The following RIMKLA variants were observed in gnomAD, a reference collection of about 807,000 sequenced individuals.
The protein encoded by RIMKLA is ribosomal modification protein rimK like family member A.
In RIMKLA, 14 loss-of-function variants were observed where a neutral mutation model predicts 32.7. The observed-to-expected ratio is 0.43, with a 90% confidence interval of 0.28 to 0.67. The LOEUF (loss-of-function observed/expected upper bound fraction) is 0.67. Ranked by LOEUF, RIMKLA falls within the 30% of genes least tolerant of loss-of-function variation. RIMKLA has a pLI of 0.18. For missense variants in RIMKLA, 410 were observed against 519.0 expected, an observed-to-expected ratio of 0.79 and a Z score of 2.04; for synonymous variants, 176 against 204.1, an observed-to-expected ratio of 0.86 and a Z score of 1.18.
rs1260538309 is a variant in RIMKLA, at chr1:42,415,149, CAA to C, written c.*177_*178del. 1.1e-5 allele frequency: 7 copies of C among 643,776 alleles called. No homozygotes were observed. In the Admixed American group the frequency reaches 2.3e-4, roughly 21 times the overall value. 39.9% of individuals were successfully genotyped at this position (643,776 alleles called of 1,614,324 possible). A position where few individuals can be genotyped will look rare whatever the true frequency, so the allele number is the denominator to read the frequency against. ...AAATGGCCTAGCTTTGTGGTTTTTA[CAA>C]AGACAAATATAAAAACACTCAAGAA... On this transcript the variant is annotated 3_prime_UTR_variant, in exon 5 of 5. Transcript: ENST00000431473.
intron 4 of RIMKLA, chr1:42,412,759 C>G (rs1481072429): frequency 2.9e-6 from 1 of 339,290 alleles, no homozygotes; most frequent in Non-Finnish European, 5.7e-6. Flanking sequence ...TGGTGATGCT[C>G]TTGAGAGCAT....
Position 42,414,611 on chromosome 1 carries a change from G to A in RIMKLA, c.813G>A (p.Val271=). ...TCATGGACGATGGCTCCTTTGTGGTGTGTGAGGCAAATGCTAATGTTGGCT... is the reference window on the plus strand; with the variant it reads ...TCATGGACGATGGCTCCTTTGTGGTATGTGAGGCAAATGCTAATGTTGGCT... ...LLIMDDGSFV[V]CEANANVGFL... The change falls in exon 5 of 5, where the codon GTG becomes GTA. Residue 271 remains valine, a synonymous_variant. Coordinates refer to ENST00000431473, the MANE Select transcript of RIMKLA (RefSeq NM_173642.4). 2 of 1,614,260 alleles carry A rather than the reference G, an allele frequency of 1.2e-6. No individual in the cohort carries two copies. The highest frequency in any genetic ancestry group is 4.5e-5 in the East Asian group (2 of 44,890).
intron 4 of RIMKLA, chr1:42,412,387 C>A (rs759943320): frequency 2.9e-5 from 7 of 243,130 alleles, no homozygotes; most frequent in Non-Finnish European, 5.7e-5. Context: ...ATATTAATAT[C>A]TATTACATCC....
intron 1 of RIMKLA, among the ~76,000 whole-genome samples, chr1:42,392,556 G>T (rs1477524758): frequency 6.6e-6 from 1 of 152,158 alleles, no homozygotes; most frequent in Admixed American, 6.5e-5. Context: ...CCTGTTAGAG[G>T]GCTTTGTCTG....
chr1:42,404,566 A>C lies in RIMKLA; in HGVS notation c.450A>C (p.Pro150=). Residue 150 remains proline, a synonymous_variant, in exon 3 of 5, where the codon CCA becomes CCC. Coordinates refer to ENST00000431473, the MANE Select transcript of RIMKLA (RefSeq NM_173642.4). ...MIDEAEPLGY[P]VVVKSTRGHR... is the part of the protein sequence containing the mutation. ...ATGAAGCTGAGCCCCTGGGCTACCC[A>C]GTCGTGGTGAAGAGCACACGAGGCC... 2 of 1,613,564 alleles carry C rather than the reference A, an allele frequency of 1.2e-6. No homozygotes were observed. Among genetic ancestry groups the C allele is most frequent in the Non-Finnish European group, 1.7e-6 (2 of 1,179,822 alleles).
rs1256006860 is a variant in RIMKLA at position 42,418,079 on chromosome 1, T to C, written c.*3105T>C. 6 of 152,212 alleles carry C rather than the reference T, an allele frequency of 3.9e-5. No individual in the cohort carries two copies. Among genetic ancestry groups the C allele is most frequent in the Admixed American group, 3.9e-4 (6 of 15,284 alleles). The allele number at this position is 152,212 out of a possible 1,614,324, so 9.4% of individuals were successfully genotyped here. ...CCTGAAAGGAATAAGGCTCTTTGTG[T>C]ATTCAGACAGCCTTCTGGATGTATC... On this transcript the variant is annotated 3_prime_UTR_variant, in exon 5 of 5. Coordinates refer to ENST00000431473, the MANE Select transcript of RIMKLA (RefSeq NM_173642.4).
chr1:42,414,622 ATGCTAATGTTGGCT>A lies in RIMKLA; in HGVS notation c.826_839del (p.Ala276ProfsTer4). 1 of 1,614,230 alleles carries A rather than the reference ATGCTAATGTTGGCT, an allele frequency of 6.2e-7. No homozygotes were observed. Among genetic ancestry groups the A allele is most frequent in the Non-Finnish European group, 8.5e-7 (1 of 1,180,038 alleles). On this transcript the variant is annotated frameshift_variant, in exon 5 of 5. Coordinates refer to ENST00000431473, the MANE Select transcript of RIMKLA (RefSeq NM_173642.4). LOFTEE classifies it high-confidence loss of function. Reference sequence around the variant, plus strand: ...GGCTCCTTTGTGGTGTGTGAGGCAAATGCTAATGTTGGCTTCCTAGCCTTTGACCAGGCATGCAA... The same window carrying A: ...GGCTCCTTTGTGGTGTGTGAGGCAAATCCTAGCCTTTGACCAGGCATGCAA...
rs771879799 is a variant in RIMKLA at position 42,420,880 on chromosome 1, G to A, written c.*5906G>A. 2 of 152,240 alleles carry A rather than the reference G, an allele frequency of 1.3e-5. No homozygotes were observed. The highest frequency in any genetic ancestry group is 2.4e-5 in the African/African-American group (1 of 41,450). The allele number at this position is 152,240 out of a possible 1,614,324, so 9.4% of individuals were successfully genotyped here. A position where few individuals can be genotyped will look rare whatever the true frequency, so the allele number is the denominator to read the frequency against. On this transcript the variant is annotated 3_prime_UTR_variant, in exon 5 of 5. Coordinates refer to ENST00000431473, the MANE Select transcript of RIMKLA (RefSeq NM_173642.4). Reference sequence around the variant, plus strand: ...AACCTTAATTTTGTCACCTATAAATGTGATACATAAACAAACTTGAATGTG... The same window carrying A: ...AACCTTAATTTTGTCACCTATAAATATGATACATAAACAAACTTGAATGTG...
intron 1 of RIMKLA, among the ~76,000 whole-genome samples, chr1:42,382,308 A>T (rs1642896472): frequency 2.6e-5 from 4 of 152,214 alleles, no homozygotes; most frequent in Admixed American, 2.6e-4. Context: ...TGATTTATTA[A>T]AACTGTCACA....
chr1:42,390,205 T>C (rs1642988897), intron 1 of RIMKLA, among the ~76,000 whole-genome samples: 1 of 152,098 alleles, frequency 6.6e-6, no homozygotes, highest in Non-Finnish European at 1.5e-5. Context: ...ACTCAGCTAT[T>C]TTCTGTATTT....
chr1:42,398,698 A>G (rs57434590), intron 1 of RIMKLA, among the ~76,000 whole-genome samples: 27,659 of 152,060 alleles, frequency 0.18, 2,625 homozygotes, highest in East Asian at 0.22. Flanking sequence ...GCTCAGCGCA[A>G]TGGCTCACGC....
At position 42,419,976 on chromosome 1, in the gene RIMKLA, T is replaced by A. The variant is rs1452358206; in HGVS notation, c.*5002T>A. The A allele has an allele frequency of 1.3e-5, 2 of 152,226 alleles. No individual in the cohort carries two copies. Among genetic ancestry groups the A allele is most frequent in the African/African-American group, 4.8e-5 (2 of 41,442 alleles). 9.4% of individuals were successfully genotyped at this position (152,226 alleles called of 1,614,324 possible). ...AAGAAATCCTGTTCGATGCACATGCTCCAGTTTCAATCAGCAACAAGGTCA... is the reference window on the plus strand; with the variant it reads ...AAGAAATCCTGTTCGATGCACATGCACCAGTTTCAATCAGCAACAAGGTCA... On this transcript the variant is annotated 3_prime_UTR_variant, in exon 5 of 5. Coordinates refer to ENST00000431473, the MANE Select transcript of RIMKLA (RefSeq NM_173642.4).
At chr1:42,405,591 T>C (rs1008517095) in intron 3 of RIMKLA, among the ~76,000 whole-genome samples, 5 of 152,030 alleles carry the variant, frequency 3.3e-5, no homozygotes, top group African/African-American at 1.2e-4. Context: ...GTAGGGACTA[T>C]GCAATAGAAA....
intron 4 of RIMKLA, among the ~76,000 whole-genome samples, chr1:42,413,475 G>A (rs905976352): frequency 7.1e-6 from 1 of 140,342 alleles, no homozygotes; most frequent in Non-Finnish European, 1.5e-5. Flanking sequence ...CTGCACTTCA[G>A]CCTAGGTGAC....
Position 42,414,739 on chromosome 1 carries a change from T to C in RIMKLA, c.941T>C (p.Leu314Pro). Residue 314 changes from leucine to proline, a missense_variant, in exon 5 of 5, where the codon CTC becomes CCC. Leu to Pro is a moderately conservative substitution (Grantham distance 98, BLOSUM62 -3). Coordinates refer to ENST00000431473, the MANE Select transcript of RIMKLA (RefSeq NM_173642.4). ...PNRQTGKMAVLPGLSSPREKN... is the reference protein window; with the variant it reads ...PNRQTGKMAVPPGLSSPREKN... ...AGGCAGACTGGAAAGATGGCTGTCC[T>C]CCCAGGACTGTCGAGTCCAAGGGAG... is the stretch of plus-strand genomic sequence containing the variant. 2 of 1,614,176 alleles carry C rather than the reference T, an allele frequency of 1.2e-6. No homozygotes were observed. Among genetic ancestry groups the C allele is most frequent in the Non-Finnish European group, 1.7e-6 (2 of 1,180,034 alleles).
At chr1:42,409,925 G>T in intron 3 of RIMKLA, 59 bp from the exon 4 acceptor site, 1 of 1,352,716 alleles carries the variant, frequency 7.4e-7, no homozygotes. Context: ...AGGCCAGATG[G>T]CAAGTACAGA....
At chr1:42,393,252 T>G (rs1643015237) in intron 1 of RIMKLA, among the ~76,000 whole-genome samples, 1 of 152,152 alleles carries the variant, frequency 6.6e-6, no homozygotes, top group Non-Finnish European at 1.5e-5. Flanking sequence ...AAACTAACAC[T>G]AGGCTTGGCC....
chr1:42,381,020 G>T lies in RIMKLA; in HGVS notation c.86G>T (p.Arg29Leu). Residue 29 changes from arginine to leucine, a missense_variant, in exon 1 of 5, where the codon CGC becomes CTC. Arg to Leu is a moderately radical substitution (Grantham distance 102). Coordinates refer to ENST00000431473, the MANE Select transcript of RIMKLA (RefSeq NM_173642.4). ...QVQILRALRQ[R>L]CSEQDVRFRA... Reference sequence around the variant, plus strand: ...CAGATCCTGCGCGCCCTCCGGCAGCGCTGCTCCGAGCAGGACGTGCGCTTC... The same window carrying T: ...CAGATCCTGCGCGCCCTCCGGCAGCTCTGCTCCGAGCAGGACGTGCGCTTC... 7.2e-7 allele frequency: 1 copy of T among 1,398,490 alleles called. No homozygotes were observed. The highest frequency in any genetic ancestry group is 9.3e-7 in the Non-Finnish European group (1 of 1,076,354). The allele number at this position is 1,398,490 out of a possible 1,614,324, so 86.6% of individuals were successfully genotyped here. A position where few individuals can be genotyped will look rare whatever the true frequency, so the allele number is the denominator to read the frequency against.
chr1:42,380,882 G>C lies in RIMKLA; in HGVS notation c.-53G>C. ...CCTCCGCTCGCCCTACTGAGCGAGC[G>C]GCCCGGGGCGCCGAGGGGTCCGCGC... is the stretch of plus-strand genomic sequence containing the variant. On this transcript the variant is annotated 5_prime_UTR_variant, in exon 1 of 5. Transcript: ENST00000431473. 1 of 1,209,576 alleles carries C rather than the reference G, an allele frequency of 8.3e-7. No individual in the cohort carries two copies. The highest frequency in any genetic ancestry group is 1.0e-6 in the Non-Finnish European group (1 of 973,100). 74.9% of individuals were successfully genotyped at this position (1,209,576 alleles called of 1,614,324 possible). A position where few individuals can be genotyped will look rare whatever the true frequency, so the allele number is the denominator to read the frequency against.
Sources: gnomAD v4.1 joint callset for allele counts (sites outside exome capture counted in the v4.1 genomes callset) on GRCh38, gnomAD v4.1.1 for gene constraint, MANE v1.5 for transcripts, NCBI Gene and HGNC (gene_info 2026-07-23, HGNC 2026-07-21) for gene names.